The following KCNJ6 variants were observed in gnomAD, a reference collection of about 807,000 sequenced individuals.
KCNJ6 encodes the protein potassium inwardly rectifying channel subfamily J member 6, also known as G protein-activated inward rectifier potassium channel 2.
In KCNJ6, 9 loss-of-function variants were observed where a neutral mutation model predicts 34.2. The observed-to-expected ratio is 0.26, with a 90% CI of 0.16 to 0.46. The LOEUF is 0.46. Among genes scored for constraint, KCNJ6 ranks in the 20% least tolerant of loss-of-function variants. The pLI is 1.00. For missense variants in KCNJ6, 236 were observed against 531.3 expected (o/e 0.44, Z 5.46); for synonymous variants, 196 against 207.1 (o/e 0.95, Z 0.46).
At chr21:37,649,216 T>C (rs923598881) in intron 3 of KCNJ6, among the ~76,000 whole-genome samples, 1 of 151,290 alleles carries the variant, frequency 6.6e-6, no homozygotes, top group Non-Finnish European at 1.5e-5. Context: ...TCCTCACTTA[T>C]CTTACATTTC....
intron 1 of KCNJ6, among the ~76,000 whole-genome samples, chr21:37,883,201 G>T (rs968585831): frequency 5.3e-5 from 8 of 152,190 alleles, no homozygotes; most frequent in African/African-American, 1.9e-4. Flanking sequence ...ATGTAGGCTT[G>T]CCCCAGAATC....
Position 37,636,414 on chromosome 21 carries a change from G to A in KCNJ6, c.947-10930C>T, listed in dbSNP as rs367708032. 2.1e-4 allele frequency among the ~76,000 whole-genome samples: 32 copies of A among 152,346 alleles called. No individual in the cohort carries two copies. In the East Asian group the frequency reaches 3.3e-3, roughly 16 times the overall value. ...CTCCAAAGGGTGTGTAGGAGTGTGC[G>A]TGTGTGCGTAGCTTTTAACAATTAT... On this transcript the variant is annotated intron_variant, in intron 3 of 3. Coordinates refer to ENST00000609713, the MANE Select transcript of KCNJ6 (RefSeq NM_002240.5).
At chr21:37,687,092 T>C (rs975054618) in intron 3 of KCNJ6, among the ~76,000 whole-genome samples, 2 of 152,102 alleles carry the variant, frequency 1.3e-5, no homozygotes, top group African/African-American at 4.8e-5. Flanking sequence ...CTCCCAGCAC[T>C]TGATCCAAAG....
At chr21:37,910,546 C>G (rs188764271) in intron 1 of KCNJ6, among the ~76,000 whole-genome samples, 4 of 152,314 alleles carry the variant, frequency 2.6e-5, no homozygotes, top group South Asian at 2.1e-4. Flanking sequence ...GGACATGGAT[C>G]TTTTTAGCCA....
chr21:37,649,903 G>A (rs1169402913), intron 3 of KCNJ6, among the ~76,000 whole-genome samples: 1 of 145,390 alleles, frequency 6.9e-6, no homozygotes, highest in Non-Finnish European at 1.5e-5. Context: ...ACAGACGCCC[G>A]CCACCACACC....
chr21:37,684,397 T>C (rs2054604259), intron 3 of KCNJ6, among the ~76,000 whole-genome samples: 1 of 152,116 alleles, frequency 6.6e-6, no homozygotes. Context: ...TGGTCTGCTC[T>C]TCTCCAGTAG....
chr21:37,724,660 G>C (rs149849327), intron 2 of KCNJ6, among the ~76,000 whole-genome samples: 1 of 152,284 alleles, frequency 6.6e-6, no homozygotes, highest in East Asian at 1.9e-4. Flanking sequence ...GATCATGTTC[G>C]TTTGGGCATA....
chr21:37,800,498 C>T (rs1343798497), intron 2 of KCNJ6, among the ~76,000 whole-genome samples: 4 of 152,154 alleles, frequency 2.6e-5, no homozygotes, highest in African/African-American at 9.7e-5. Flanking sequence ...AGAAAATAAG[C>T]AGGAATTAAG....
Position 37,620,138 on chromosome 21 carries a change from C to T in KCNJ6, c.*5021G>A, listed in dbSNP as rs1177668896. On this transcript the variant is annotated 3_prime_UTR_variant, in exon 4 of 4. Transcript: ENST00000609713. ...ATTGCCTAGGACTCTCTTAAGAGTA[C>T]AGTACAATATTTCATAGTACTTAGT... The T allele has an allele frequency of 2.6e-5, 4 of 152,092 alleles. No homozygotes were observed. Among genetic ancestry groups the T allele is most frequent in the Non-Finnish European group, 5.9e-5 (4 of 68,024 alleles). The allele number at this position is 152,092 out of a possible 1,614,324, so 9.4% of individuals were successfully genotyped here.
chr21:37,812,831 A>C (rs2055329415), intron 2 of KCNJ6, among the ~76,000 whole-genome samples: 1 of 152,252 alleles, frequency 6.6e-6, no homozygotes, highest in Non-Finnish European at 1.5e-5. Flanking sequence ...AAAAACTGAA[A>C]GCCTTTCCTC....
intron 1 of KCNJ6, among the ~76,000 whole-genome samples, chr21:37,885,892 T>TG (rs1448110173): frequency 6.6e-6 from 1 of 152,234 alleles, no homozygotes; most frequent in Admixed American, 6.5e-5. Flanking sequence ...AGTAGATGAC[T>TG]ACTGCATGCC....
intron 1 of KCNJ6, among the ~76,000 whole-genome samples, chr21:37,854,451 C>T (rs995334576): frequency 1.3e-5 from 2 of 152,128 alleles, no homozygotes; most frequent in East Asian, 1.9e-4. Flanking sequence ...AAAAATTGAT[C>T]TAATGGAGTA....
chr21:37,884,583 A>G (rs2055725935), intron 1 of KCNJ6, among the ~76,000 whole-genome samples: 1 of 152,196 alleles, frequency 6.6e-6, no homozygotes, highest in Non-Finnish European at 1.5e-5. Context: ...ATTTACTCAG[A>G]AAACTTTCAG....
In KCNJ6 at chr21:37,773,755, C is replaced by T. The variant is rs558060438; in HGVS notation, c.26-58624G>A. 2.6e-5 allele frequency among the ~76,000 whole-genome samples: 4 copies of T among 152,268 alleles called. No homozygotes were observed. In the South Asian group the frequency reaches 8.3e-4, roughly 32 times the overall value. ...GCTGACAGTACTAAGAAATATCATT[C>T]TCTTATAGTCCTAGGATTACTGTTA... is the stretch of plus-strand genomic sequence containing the variant. On this transcript the variant is annotated intron_variant, in intron 2 of 3. Transcript: ENST00000609713.
chr21:37,639,491 T>C (rs1181559522), intron 3 of KCNJ6, among the ~76,000 whole-genome samples: 2 of 152,228 alleles, frequency 1.3e-5, no homozygotes, highest in African/African-American at 4.8e-5. Flanking sequence ...GGTTCCTTTG[T>C]TTCTATTTGT....
chr21:37,890,095 G>A (rs748221482), intron 1 of KCNJ6, among the ~76,000 whole-genome samples: 5 of 152,186 alleles, frequency 3.3e-5, no homozygotes, highest in African/African-American at 4.8e-5. Flanking sequence ...AGACATACCC[G>A]AAACTGGGTA....
At chr21:37,776,654 T>C (rs2123508110) in intron 2 of KCNJ6, among the ~76,000 whole-genome samples, 1 of 152,362 alleles carries the variant, frequency 6.6e-6, no homozygotes, top group South Asian at 2.1e-4. Context: ...ATTACGTTCA[T>C]TGATTGCATA....
At chr21:37,694,932 G>A (rs1027503215) in intron 3 of KCNJ6, among the ~76,000 whole-genome samples, 6 of 152,304 alleles carry the variant, frequency 3.9e-5, no homozygotes, top group Middle Eastern at 3.4e-3. Flanking sequence ...TAGGAAGAAG[G>A]CCCTCACCAG....
intron 3 of KCNJ6, among the ~76,000 whole-genome samples, chr21:37,688,115 A>G (rs1811726227): frequency 6.8e-6 from 1 of 147,878 alleles, no homozygotes; most frequent in Admixed American, 6.8e-5. Flanking sequence ...CTTGGCAGAC[A>G]GGTGTTTCTT....
Sources: allele counts gnomAD v4.1 joint callset (sites outside exome capture counted in the v4.1 genomes callset), GRCh38; gene constraint gnomAD v4.1.1; transcripts MANE v1.5; gene names NCBI Gene and HGNC (gene_info 2026-07-23, HGNC 2026-07-21).